Variants in CRPPA observed in about 807,000 individuals in gnomAD.
CRPPA encodes the protein D-ribitol-5-phosphate cytidylyltransferase.
CRPPA carries 43 observed loss-of-function variants against 52.0 expected under a neutral mutation model. That is an observed-to-expected ratio of 0.83 (90% CI 0.65 to 1.07). CRPPA has a LOEUF of 1.07. Ranked by LOEUF, CRPPA falls within the 50% of genes least tolerant of loss-of-function variation. The pLI is 0.00. For missense variants in CRPPA, 629 were observed against 551.7 expected, an observed-to-expected ratio of 1.14 and a Z score of -1.40; for synonymous variants, 250 against 203.5, an observed-to-expected ratio of 1.23 and a Z score of -1.94.
intron 9 of CRPPA, among the ~76,000 whole-genome samples, chr7:16,099,493 A>T (rs1782000455): frequency 6.7e-6 from 1 of 149,382 alleles, no homozygotes; most frequent in African/African-American, 2.5e-5. Flanking sequence ...AGGGAAGGGA[A>T]GGGAAGGGAA....
chr7:16,305,935 G>A (rs760815850), intron 4 of CRPPA, among the ~76,000 whole-genome samples: 9 of 152,220 alleles, frequency 5.9e-5, no homozygotes, highest in Middle Eastern at 3.4e-3. Flanking sequence ...CTAGACATCC[G>A]AAATCAAGAT....
At chr7:16,362,087 C>T (rs1161325336) in intron 3 of CRPPA, among the ~76,000 whole-genome samples, 1 of 152,168 alleles carries the variant, frequency 6.6e-6, no homozygotes, top group Non-Finnish European at 1.5e-5. Context: ...ATCTCCTGAC[C>T]TCGTGATCCG....
At chr7:16,109,891 A>C (rs186274073) in intron 9 of CRPPA, among the ~76,000 whole-genome samples, 194 of 152,204 alleles carry the variant, frequency 1.3e-3, no homozygotes, top group African/African-American at 4.3e-3. Flanking sequence ...GTTCCAAAAC[A>C]AGACAACATG....
At chr7:16,175,824 G>C (rs1461207004) in intron 9 of CRPPA, among the ~76,000 whole-genome samples, 1 of 152,168 alleles carries the variant, frequency 6.6e-6, no homozygotes, top group African/African-American at 2.4e-5. Flanking sequence ...ATTATGGAAT[G>C]CAGAGGCCCA....
At chr7:16,354,189 T>C (rs892111021) in intron 3 of CRPPA, among the ~76,000 whole-genome samples, 3 of 152,322 alleles carry the variant, frequency 2.0e-5, no homozygotes, top group Middle Eastern at 3.4e-3. Context: ...AAACAAATGA[T>C]GGCAAGAATG....
intron 2 of CRPPA, among the ~76,000 whole-genome samples, chr7:16,389,170 T>A (rs1787373696): frequency 6.6e-6 from 1 of 152,184 alleles, no homozygotes; most frequent in Non-Finnish European, 1.5e-5. Flanking sequence ...TGATGAACTA[T>A]GCCAAAAATT....
intron 9 of CRPPA, among the ~76,000 whole-genome samples, chr7:16,144,902 G>T (rs1782944702): frequency 6.6e-6 from 1 of 152,160 alleles, no homozygotes; most frequent in Non-Finnish European, 1.5e-5. Context: ...TGCTCGGCCA[G>T]ACTCTGTGGG....
intron 8 of CRPPA, among the ~76,000 whole-genome samples, chr7:16,247,492 G>A (rs983458754): frequency 6.6e-6 from 1 of 152,178 alleles, no homozygotes; most frequent in Non-Finnish European, 1.5e-5. Flanking sequence ...ACCTTATACA[G>A]ATATGATTTG....
At chr7:16,414,295 A>G (rs1266211324) in intron 1 of CRPPA, among the ~76,000 whole-genome samples, 1 of 149,482 alleles carries the variant, frequency 6.7e-6, no homozygotes, top group Non-Finnish European at 1.5e-5. Flanking sequence ...CTTTTGCTGT[A>G]GTTGTCATCT....
chr7:16,116,778 C>T (rs1782384275), intron 9 of CRPPA, among the ~76,000 whole-genome samples: 2 of 151,836 alleles, frequency 1.3e-5, no homozygotes, highest in Admixed American at 6.6e-5. Context: ...CAAAATGCAA[C>T]ATGTGTTCCC....
At chr7:16,210,443 A>G (rs899385606) in intron 9 of CRPPA, 1 of 152,196 alleles carries the variant, frequency 6.6e-6, no homozygotes, top group Non-Finnish European at 1.5e-5. Flanking sequence ...ATGTCACAGA[A>G]GACTGTGACT....
intron 9 of CRPPA, among the ~76,000 whole-genome samples, chr7:16,095,588 G>C (rs1781920493): frequency 6.6e-6 from 1 of 152,102 alleles, no homozygotes; most frequent in African/African-American, 2.4e-5. Context: ...TTTTTTGCAG[G>C]TCTTGGACAG....
chr7:16,312,056 A>G (rs1785045105), intron 3 of CRPPA, among the ~76,000 whole-genome samples: 1 of 152,056 alleles, frequency 6.6e-6, no homozygotes, highest in Non-Finnish European at 1.5e-5. Flanking sequence ...AGGTAGTGTC[A>G]GTCCTCCAAC....
chr7:16,301,441 G>A lies in CRPPA; in HGVS notation c.815C>T (p.Ala272Val), dbSNP rs765545106. Residue 272 changes from alanine to valine, a missense_variant, in exon 5 of 10, where the codon GCG becomes GTG. By Grantham distance (64) the Ala-to-Val change is moderately conservative. Transcript: ENST00000407010. ...WKVTYKRDLY[A>V]AESIIKERIS... ...CATACCCTTAATAATCGATTCAGCC[G>A]CATAGAGATCTCGTTTGTAGGTCAC... 22 of 1,612,152 alleles carry A rather than the reference G, an allele frequency of 1.4e-5. No individual in the cohort carries two copies. The highest frequency in any genetic ancestry group is 3.3e-5 in the Admixed American group (2 of 59,932).
At chr7:16,249,816 C>T (rs1562584668) in intron 8 of CRPPA, among the ~76,000 whole-genome samples, 1 of 152,160 alleles carries the variant, frequency 6.6e-6, no homozygotes, top group African/African-American at 2.4e-5. Flanking sequence ...ACCAGAATGC[C>T]TCTTCTCCTT....
At chr7:16,337,468 A>C (rs1785714248) in intron 3 of CRPPA, among the ~76,000 whole-genome samples, 1 of 152,242 alleles carries the variant, frequency 6.6e-6, no homozygotes, top group Non-Finnish European at 1.5e-5. Flanking sequence ...AAAGAGTCCT[A>C]AGTGGCAAAT....
At chr7:16,370,009 G>A (rs1220861161) in intron 3 of CRPPA, among the ~76,000 whole-genome samples, 2 of 152,210 alleles carry the variant, frequency 1.3e-5, no homozygotes, top group Non-Finnish European at 2.9e-5. Context: ...GATTTAGGGA[G>A]TGGTGTGAAA....
At chr7:16,391,082 T>C (rs539285301) in intron 2 of CRPPA, among the ~76,000 whole-genome samples, 2 of 152,270 alleles carry the variant, frequency 1.3e-5, no homozygotes, top group East Asian at 3.9e-4. Context: ...GAATTCTGGA[T>C]TTGCACTTCC....
chr7:16,315,988 A>G (rs753164603), intron 3 of CRPPA, among the ~76,000 whole-genome samples: 6 of 152,128 alleles, frequency 3.9e-5, no homozygotes, highest in Non-Finnish European at 7.4e-5. Context: ...ACTTGTTAGG[A>G]AGGAGTAACA....
Sources: allele counts gnomAD v4.1 joint callset (sites outside exome capture counted in the v4.1 genomes callset), GRCh38; gene constraint gnomAD v4.1.1; transcripts MANE v1.5; gene names NCBI Gene and HGNC (gene_info 2026-07-23, HGNC 2026-07-21).